The following MTA3 variants were observed in gnomAD, a reference collection of about 807,000 sequenced individuals.
The protein encoded by MTA3 is metastasis-associated protein MTA3.
MTA3 carries 34 observed loss-of-function variants against 83.5 expected under a neutral mutation model. The ratio of observed to expected loss-of-function variants is 0.41; its 90% CI spans 0.31 to 0.54. The LOEUF (loss-of-function observed/expected upper bound fraction) is 0.54, where lower values mean the gene tolerates loss of function less well. Ranked by LOEUF, MTA3 falls within the 20% of genes least tolerant of loss-of-function variation. The probability of loss-of-function intolerance (pLI) is 0.33; values close to 1 mark genes in which losing one functional copy is unlikely to be tolerated. For missense variants in MTA3, 761 were observed against 726.4 expected, an observed-to-expected ratio of 1.05 and a Z score of -0.55; for synonymous variants, 303 against 252.7, an observed-to-expected ratio of 1.20 and a Z score of -1.89.
At chr2:42,577,105 A>AAAATAT (rs1211189566) in intron 2 of MTA3, among the ~76,000 whole-genome samples, 10 of 86,912 alleles carry the variant, frequency 1.2e-4, no homozygotes, top group African/African-American at 5.5e-4. Flanking sequence ...AAAAAAAAAA[A>AAAATAT]ATATATATAT....
At position 42,630,868 on chromosome 2, in the gene MTA3, A is replaced by G. The variant is rs1686606712; in HGVS notation, c.318-9305A>G. ...TTCAGCTGAAAGGATTTGTAAATTT[A>G]ATTTATGTCTATTGAGACCTTTTTT... On this transcript the variant is annotated intron_variant, in intron 4 of 16. Coordinates refer to ENST00000405094, the MANE Select transcript of MTA3 (RefSeq NM_001330442.2). Among the ~76,000 whole-genome samples, 3 of 152,184 alleles carry G rather than the reference A, an allele frequency of 2.0e-5. No individual in the cohort carries two copies. The South Asian group carries it at 6.2e-4, about 32-fold the overall frequency.
At chr2:42,693,945 G>A (rs1212741020) in intron 9 of MTA3, among the ~76,000 whole-genome samples, 1 of 151,662 alleles carries the variant, frequency 6.6e-6, no homozygotes, top group Admixed American at 6.6e-5. Flanking sequence ...CTGGTTACTC[G>A]GGGCCCATGG....
At chr2:42,607,164 T>C (rs1683569576) in intron 3 of MTA3, among the ~76,000 whole-genome samples, 3 of 152,162 alleles carry the variant, frequency 2.0e-5, no homozygotes, top group Non-Finnish European at 1.5e-5. Flanking sequence ...GGTTCACTTT[T>C]ACCCCGCAAG....
intron 11 of MTA3, 71 bp from the exon 12 acceptor site, chr2:42,704,123 C>G: frequency 6.8e-7 from 1 of 1,467,116 alleles, no homozygotes; most frequent in Non-Finnish European, 9.3e-7. Flanking sequence ...GACGGTAAAT[C>G]AGTAATGATA....
At chr2:42,741,370 C>A (rs1669013078) in intron 16 of MTA3, among the ~76,000 whole-genome samples, 1 of 152,194 alleles carries the variant, frequency 6.6e-6, no homozygotes, top group South Asian at 2.1e-4. Flanking sequence ...CTCTTAATTT[C>A]CTTCAAGAAC....
intron 3 of MTA3, 38 bp from the exon 4 acceptor site, chr2:42,609,420 C>T (rs761246574): frequency 6.3e-7 from 1 of 1,595,516 alleles, no homozygotes; most frequent in Non-Finnish European, 8.6e-7. Flanking sequence ...AGATAATGTG[C>T]TTTGTACTAA....
chr2:42,513,817 T>C (rs1383233384), intron 2 of MTA3, among the ~76,000 whole-genome samples: 1 of 152,138 alleles, frequency 6.6e-6, no homozygotes, highest in Non-Finnish European at 1.5e-5. Context: ...CAAACGGGCT[T>C]ACACCTAGGA....
At chr2:42,660,733 T>A (rs1234587557) in intron 8 of MTA3, among the ~76,000 whole-genome samples, 1 of 152,264 alleles carries the variant, frequency 6.6e-6, no homozygotes, top group African/African-American at 2.4e-5. Flanking sequence ...TATTGTTTTC[T>A]AATGAAATGG....
At chr2:42,644,353 A>T (rs893440045) in intron 6 of MTA3, 109 bp downstream of exon 6, 1 of 616,838 alleles carries the variant, frequency 1.6e-6, no homozygotes, top group African/African-American at 1.9e-5. Context: ...TCTAAAAGTT[A>T]TAAGCACTTG....
intron 4 of MTA3, among the ~76,000 whole-genome samples, chr2:42,610,982 C>CTTTT (rs773889459): frequency 4.4e-5 from 6 of 135,996 alleles, no homozygotes; most frequent in African/African-American, 5.4e-5. Flanking sequence ...CTTTTCTTTT[C>CTTTT]TTTTTTTTTT....
chr2:42,670,583 A>C (rs1690702364), intron 8 of MTA3, among the ~76,000 whole-genome samples: 1 of 152,116 alleles, frequency 6.6e-6, no homozygotes, highest in African/African-American at 2.4e-5. Flanking sequence ...CTTTCCTTAA[A>C]ATAGAGAGGA....
At chr2:42,673,505 G>A (rs1208427283) in intron 8 of MTA3, among the ~76,000 whole-genome samples, 1 of 152,192 alleles carries the variant, frequency 6.6e-6, no homozygotes, top group African/African-American at 2.4e-5. Flanking sequence ...TTTGCAGTTA[G>A]TATTGAATAT....
At chr2:42,565,065 C>T (rs981471901), upstream of MTA3, among the ~76,000 whole-genome samples, 16 of 152,230 alleles carry the variant, frequency 1.1e-4, no homozygotes, top group African/African-American at 2.2e-4. Context: ...TGTGAGCCAC[C>T]GCGCTCAGCC....
At chr2:42,588,490 T>C (rs918368429) in intron 3 of MTA3, among the ~76,000 whole-genome samples, 4 of 152,186 alleles carry the variant, frequency 2.6e-5, no homozygotes, top group African/African-American at 9.6e-5. Flanking sequence ...TTTTTAATGA[T>C]TTAGCAGCTG....
intron 16 of MTA3, among the ~76,000 whole-genome samples, chr2:42,734,842 G>A (rs923426923): frequency 6.6e-6 from 1 of 152,108 alleles, no homozygotes; most frequent in Non-Finnish European, 1.5e-5. Flanking sequence ...GAGAAAACTA[G>A]TGGAAACTCT....
intron 11 of MTA3, among the ~76,000 whole-genome samples, chr2:42,699,413 T>C (rs902269741): frequency 1.3e-5 from 2 of 152,106 alleles, no homozygotes; most frequent in African/African-American, 4.8e-5. Flanking sequence ...ACCCAGGAGT[T>C]CTCATGAACA....
Position 42,755,749 on chromosome 2 carries a change from T to C in MTA3, c.*2350T>C. The C allele has an allele frequency of 1.0e-6, 1 of 985,640 alleles. No individual in the cohort carries two copies. Among genetic ancestry groups the C allele is most frequent in the Non-Finnish European group, 1.2e-6 (1 of 830,094 alleles). The allele number at this position is 985,640 out of a possible 1,614,324, so 61.1% of individuals were successfully genotyped here. A position where few individuals can be genotyped will look rare whatever the true frequency, so the allele number is the denominator to read the frequency against. ...CTTTCTGGGGCCATGGTGTCCCTGC[T>C]GTGTGTCAGTGGCATGTCACTGTGG... On this transcript the variant is annotated 3_prime_UTR_variant, in exon 17 of 17. Transcript: ENST00000405094.
chr2:42,684,417 G>T (rs1329326539), intron 9 of MTA3, among the ~76,000 whole-genome samples: 1 of 152,150 alleles, frequency 6.6e-6, no homozygotes, highest in Non-Finnish European at 1.5e-5. Flanking sequence ...TAGTGTCACT[G>T]ATAATTTGTT....
At chr2:42,608,433 G>C (rs1015331432) in intron 3 of MTA3, among the ~76,000 whole-genome samples, 2 of 152,076 alleles carry the variant, frequency 1.3e-5, no homozygotes, top group Admixed American at 6.6e-5. Context: ...TTCTTGCTTT[G>C]AGCTAGGTGC....
Sources: allele counts gnomAD v4.1 joint callset (sites outside exome capture counted in the v4.1 genomes callset), GRCh38; gene constraint gnomAD v4.1.1; transcripts MANE v1.5; gene names NCBI Gene and HGNC (gene_info 2026-07-23, HGNC 2026-07-21).